Variants in DOK6 observed in about 807,000 individuals in gnomAD.
DOK6 encodes the protein docking protein 6.
Under a neutral mutation model 44.0 loss-of-function variants are expected in DOK6, and 22 were observed. That is an observed-to-expected ratio of 0.50 (90% CI 0.36 to 0.71). DOK6 has a LOEUF of 0.71. DOK6 is among the 30% of genes least tolerant of loss of function. DOK6 has a pLI of 0.00. For synonymous variants in DOK6, 166 were observed against 145.5 expected, an observed-to-expected ratio of 1.14 and a Z score of -1.01; for missense variants, 340 against 416.4, an observed-to-expected ratio of 0.82 and a Z score of 1.60.
chr18:69,429,490 C>A (rs1488549606), intron 1 of DOK6, among the ~76,000 whole-genome samples: 2 of 151,084 alleles, frequency 1.3e-5, no homozygotes, highest in Non-Finnish European at 3.0e-5. Flanking sequence ...TTCTTAGATT[C>A]CTGTTTGTAC....
chr18:69,597,108 G>C (rs1983760697), intron 2 of DOK6, among the ~76,000 whole-genome samples: 1 of 151,920 alleles, frequency 6.6e-6, no homozygotes. Context: ...TGTTGGGTTT[G>C]TAACATTTAT....
chr18:69,737,593 C>T (rs903835944), intron 5 of DOK6, among the ~76,000 whole-genome samples: 1 of 152,146 alleles, frequency 6.6e-6, no homozygotes, highest in Non-Finnish European at 1.5e-5. Flanking sequence ...TTCATCTAGG[C>T]TTAGGTACAA....
chr18:69,607,316 A>G (rs889383775), intron 3 of DOK6, among the ~76,000 whole-genome samples: 14 of 144,700 alleles, frequency 9.7e-5, no homozygotes, highest in African/African-American at 3.6e-4. Context: ...TTATGAAGCC[A>G]GCATAGTAAC....
In DOK6 at chr18:69,537,530, T is replaced by C. The variant is rs553612416; in HGVS notation, c.67-26957T>C. 6.6e-5 allele frequency among the ~76,000 whole-genome samples: 10 copies of C among 152,354 alleles called. No homozygotes were observed. The South Asian group carries it at 2.1e-3, about 32-fold the overall frequency. ...GAAAACATTGTTTCATGTGTACATT[T>C]ATTTAACTGATTGAATTGCATTTAG... On this transcript the variant is annotated intron_variant, in intron 1 of 7. Transcript: ENST00000382713.
At chr18:69,804,051 A>G (rs1158169431) in intron 7 of DOK6, among the ~76,000 whole-genome samples, 1 of 152,200 alleles carries the variant, frequency 6.6e-6, no homozygotes, top group African/African-American at 2.4e-5. Flanking sequence ...TTCAAACTAG[A>G]AATGTCAGAA....
chr18:69,691,919 G>T (rs980233243), intron 4 of DOK6, among the ~76,000 whole-genome samples: 6 of 152,140 alleles, frequency 3.9e-5, no homozygotes, highest in African/African-American at 1.4e-4. Flanking sequence ...CTGAGGTGTT[G>T]GGATGGTTCT....
intron 1 of DOK6, among the ~76,000 whole-genome samples, chr18:69,478,590 T>C (rs118138038): frequency 0.012 from 1,885 of 152,334 alleles, 21 homozygotes; most frequent in Non-Finnish European, 0.019. Flanking sequence ...ATATATGCCA[T>C]TGTAAGATTA....
chr18:69,599,057 T>A (rs1441933014), intron 2 of DOK6, among the ~76,000 whole-genome samples: 1 of 152,118 alleles, frequency 6.6e-6, no homozygotes, highest in Non-Finnish European at 1.5e-5. Flanking sequence ...CAGCAGATAT[T>A]TAATGAAAAT....
At chr18:69,684,961 T>C (rs1410453987) in intron 4 of DOK6, among the ~76,000 whole-genome samples, 1 of 152,078 alleles carries the variant, frequency 6.6e-6, no homozygotes, top group East Asian at 1.9e-4. Flanking sequence ...TACAGGCGCA[T>C]ACAAATGAGA....
At chr18:69,823,483 A>G (rs1452447530) in intron 7 of DOK6, among the ~76,000 whole-genome samples, 4 of 152,122 alleles carry the variant, frequency 2.6e-5, no homozygotes, top group Non-Finnish European at 5.9e-5. Context: ...CAGCTCAGAG[A>G]GCCTGCTTTC....
intron 2 of DOK6, among the ~76,000 whole-genome samples, chr18:69,571,174 T>C (rs1270876426): frequency 2.6e-5 from 4 of 151,928 alleles, no homozygotes; most frequent in African/African-American, 9.7e-5. Context: ...TAAGTATAAG[T>C]AGACTTGGAA....
At chr18:69,733,588 A>T (rs1978491490) in intron 5 of DOK6, among the ~76,000 whole-genome samples, 1 of 152,194 alleles carries the variant, frequency 6.6e-6, no homozygotes, top group Non-Finnish European at 1.5e-5. Context: ...ATTTTTATTA[A>T]CTATAGTCAC....
At chr18:69,758,060 A>G (rs1387945411) in intron 7 of DOK6, among the ~76,000 whole-genome samples, 187 bp downstream of exon 7, 1 of 152,232 alleles carries the variant, frequency 6.6e-6, no homozygotes, top group Non-Finnish European at 1.5e-5. Flanking sequence ...TCATATACTC[A>G]TGGTAAAAAA....
At chr18:69,455,285 C>G (rs1979603326) in intron 1 of DOK6, among the ~76,000 whole-genome samples, 1 of 151,928 alleles carries the variant, frequency 6.6e-6, no homozygotes, top group South Asian at 2.1e-4. Flanking sequence ...AGGTATGCTT[C>G]TAGCAGTAAT....
chr18:69,632,738 A>T (rs189299785), intron 3 of DOK6, among the ~76,000 whole-genome samples: 2 of 152,338 alleles, frequency 1.3e-5, no homozygotes, highest in Admixed American at 1.3e-4. Flanking sequence ...ACATATATTG[A>T]TTTATATCTG....
At chr18:69,642,692 C>T (rs73461919) in intron 3 of DOK6, among the ~76,000 whole-genome samples, 3,036 of 152,120 alleles carry the variant, frequency 0.02, 100 homozygotes, top group African/African-American at 0.069. Flanking sequence ...AATTTTTCCT[C>T]AAGTTAAACA....
intron 3 of DOK6, among the ~76,000 whole-genome samples, chr18:69,652,908 C>T (rs1251904696): frequency 2.0e-5 from 3 of 152,156 alleles, no homozygotes; most frequent in East Asian, 1.9e-4. Context: ...TAAGGACAAA[C>T]GATTATCTGA....
At chr18:69,422,741 G>A (rs1978527541) in intron 1 of DOK6, among the ~76,000 whole-genome samples, 3 of 152,072 alleles carry the variant, frequency 2.0e-5, no homozygotes, top group Non-Finnish European at 4.4e-5. Context: ...AATTATCCTT[G>A]TACTTCCTGC....
chr18:69,442,893 A>G (rs936162019), intron 1 of DOK6, among the ~76,000 whole-genome samples: 4 of 152,182 alleles, frequency 2.6e-5, no homozygotes, highest in African/African-American at 9.7e-5. Flanking sequence ...AAGATTAGGG[A>G]TCATTTATTT....
Sources: gnomAD v4.1 joint callset for allele counts (sites outside exome capture counted in the v4.1 genomes callset) on GRCh38, gnomAD v4.1.1 for gene constraint, MANE v1.5 for transcripts, NCBI Gene and HGNC (gene_info 2026-07-23, HGNC 2026-07-21) for gene names.